The following CSRNP1 variants were observed in gnomAD, a reference collection of about 807,000 sequenced individuals.
The protein encoded by CSRNP1 is cysteine/serine-rich nuclear protein 1.
In CSRNP1, 8 loss-of-function variants were observed where a neutral mutation model predicts 25.0. The ratio of observed to expected loss-of-function variants is 0.32; its 90% CI spans 0.19 to 0.58. The LOEUF (loss-of-function observed/expected upper bound fraction) is 0.58, where lower values mean the gene tolerates loss of function less well. Among genes scored for constraint, CSRNP1 ranks in the 20% least tolerant of loss-of-function variants. The pLI, the probability that CSRNP1 is intolerant of heterozygous loss-of-function variation, is 0.88. For synonymous variants in CSRNP1, 305 were observed against 303.1 expected, an observed-to-expected ratio of 1.01 and a Z score of -0.06; for missense variants, 691 against 773.1, an observed-to-expected ratio of 0.89 and a Z score of 1.26.
At chr3:39,150,718 G>C (rs558613037) in intron 1 of CSRNP1, 1 of 152,326 alleles carries the variant, frequency 6.6e-6, no homozygotes, top group Non-Finnish European at 1.5e-5. Flanking sequence ...GCTCAGATAC[G>C]CACTGCGGCT....
At chr3:39,149,604 T>C (rs2039557294) in intron 1 of CSRNP1, 1 of 152,148 alleles carries the variant, frequency 6.6e-6, no homozygotes, top group South Asian at 2.1e-4. Context: ...AACCACACAT[T>C]TACCTGCCAC....
At chr3:39,144,855 C>T in intron 3 of CSRNP1, 142 bp downstream of exon 3, 1 of 1,042,902 alleles carries the variant, frequency 9.6e-7, no homozygotes, top group Middle Eastern at 3.3e-4. Flanking sequence ...AGGCTCCAAT[C>T]AAGCCAATCA....
chr3:39,153,522 G>C lies in CSRNP1; in HGVS notation c.-125C>G, dbSNP rs1314480635. The C allele has an allele frequency of 1.8e-5, 4 of 225,420 alleles. No individual in the cohort carries two copies. The highest frequency in any genetic ancestry group is 3.8e-5 in the Non-Finnish European group (4 of 105,784). The allele number at this position is 225,420 out of a possible 1,614,324, so 14.0% of individuals were successfully genotyped here. On this transcript the variant is annotated 5_prime_UTR_variant, in exon 1 of 5. Transcript: ENST00000273153. The stretch of plus-strand genomic sequence containing the variant: ...CCCTGCGCCGCGACTCTGTGCGCTC[G>C]GCCCGGCAGCCGTCGGTCCAGCCGC...
Position 39,143,123 on chromosome 3 carries a change from C to CTAG in CSRNP1, c.1699_1701dup (p.Leu567dup). ...TCAAACTGGCTGTCAATAAAGGGAT[C>CTAG]TAGGGCTTCGGCGGCTGGCTCGGAG... On this transcript the variant is annotated inframe_insertion, in exon 5 of 5. Transcript: ENST00000273153. 6.2e-7 allele frequency: 1 copy of CTAG among 1,613,844 alleles called. No individual in the cohort carries two copies. Among genetic ancestry groups the CTAG allele is most frequent in the Non-Finnish European group, 8.5e-7 (1 of 1,179,782 alleles).
chr3:39,146,534 G>C lies in CSRNP1; in HGVS notation c.149C>G (p.Pro50Arg), dbSNP rs1335155149. The change falls in exon 2 of 5, where the codon CCC (proline) becomes CGC (arginine). Residue 50 changes from proline (P) to arginine (R), a missense_variant. Transcript: ENST00000273153. The stretch of plus-strand genomic sequence containing the variant: ...GTCAGGCAGGGGCATCTGATCCCAG[G>C]GGCCTTCCTCCTCTGAGTCCCAGGC... ...SRAWDSEEEG[P>R]WDQMPLPDRD... 6.4e-7 allele frequency: 1 copy of C among 1,551,502 alleles called. No homozygotes were observed. The highest frequency in any genetic ancestry group is 1.4e-5 in the African/African-American group (1 of 73,042).
At chr3:39,151,010 A>C (rs1253569856) in intron 1 of CSRNP1, 1 of 152,244 alleles carries the variant, frequency 6.6e-6, no homozygotes, top group African/African-American at 2.4e-5. Flanking sequence ...AAACAAAAAG[A>C]CTGAGCCAGA....
rs1174678303 is a variant in CSRNP1 at position 39,146,617 on chromosome 3, G to C, written c.66C>G (p.Ser22=). 6.4e-7 allele frequency: 1 copy of C among 1,572,558 alleles called. No homozygotes were observed. Residue 22 remains serine, a synonymous_variant, in exon 2 of 5, where the codon TCC becomes TCG. Transcript: ENST00000273153. ...GAGACTGGCACCCAGAGGAAGAGGA[G>C]GAGGAGGAGACCGAGGAGTTGTCCT... ...LDEDNSSVSS[S]SSSSGCQSRS...
chr3:39,151,844 C>T (rs752994160), intron 1 of CSRNP1: 1 of 152,330 alleles, frequency 6.6e-6, no homozygotes, highest in Non-Finnish European at 1.5e-5. Flanking sequence ...GCCTCCAGGA[C>T]CTGGCACTGG....
In CSRNP1 at chr3:39,144,371, C is replaced by T. The variant is rs2039474317; in HGVS notation, c.546G>A (p.Glu182=). 1.2e-6 allele frequency: 2 copies of T among 1,613,950 alleles called. No individual in the cohort carries two copies. The highest frequency in any genetic ancestry group is 2.2e-5 in the East Asian group (1 of 44,876). ...CACCTGCCACAGCGACTGCCAAGTC[C>T]TCCTCCACAGAGGCGTCATCAATGG... is the stretch of plus-strand genomic sequence containing the variant. ...VDAIDDASVE[E]DLAVAVAGGR... The change falls in exon 4 of 5, where the codon GAG becomes GAA. Residue 182 remains glutamate, a synonymous_variant. Coordinates refer to ENST00000273153, the MANE Select transcript of CSRNP1 (RefSeq NM_033027.4).
At chr3:39,144,864 C>T in intron 3 of CSRNP1, 133 bp downstream of exon 3, 1 of 1,122,840 alleles carries the variant, frequency 8.9e-7, no homozygotes, top group South Asian at 1.7e-5. Flanking sequence ...TCAAGCCAAT[C>T]ACCAGGCCCA....
Position 39,142,563 on chromosome 3 carries a change from AAAG to A in CSRNP1, c.*489_*491del, listed in dbSNP as rs1435260244. The A allele has an allele frequency of 6.5e-6, 1 of 153,412 alleles. No individual in the cohort carries two copies. The highest frequency in any genetic ancestry group is 2.4e-5 in the African/African-American group (1 of 41,488). 9.5% of individuals were successfully genotyped at this position (153,412 alleles called of 1,614,324 possible). ...CCACCCCTGGCATTACCCACCAGCC[AAAG>A]AAGTGCAACCAAAGCCTCCTCAATC... is the stretch of plus-strand genomic sequence containing the variant. On this transcript the variant is annotated 3_prime_UTR_variant, in exon 5 of 5. Transcript: ENST00000273153.
At chr3:39,152,589 G>C (rs1203143759) in intron 1 of CSRNP1, 1 of 154,192 alleles carries the variant, frequency 6.5e-6, no homozygotes, top group Non-Finnish European at 1.5e-5. Context: ...CAGGAGACGG[G>C]GAGGAACCCT....
In CSRNP1 at chr3:39,143,053, C is replaced by T. The variant is rs1215520427; in HGVS notation, c.*2G>A. 1.3e-6 allele frequency: 2 copies of T among 1,554,782 alleles called. No homozygotes were observed. The highest frequency in any genetic ancestry group is 1.7e-6 in the Non-Finnish European group (2 of 1,149,146). On this transcript the variant is annotated 3_prime_UTR_variant, in exon 5 of 5. Coordinates refer to ENST00000273153, the MANE Select transcript of CSRNP1 (RefSeq NM_033027.4). ...TGGGGCTGGGAAAAGACATCCTGGT[C>T]CTCACACCGGCACAGGCTCCATTAG...
chr3:39,143,640 C>G lies in CSRNP1; in HGVS notation c.1185G>C (p.Leu395Phe), dbSNP rs1199797266. The change falls in exon 5 of 5, where the codon TTG becomes TTC. Residue 395 changes from leucine to phenylalanine, a missense_variant. Leu to Phe is a conservative substitution (Grantham distance 22). Coordinates refer to ENST00000273153, the MANE Select transcript of CSRNP1 (RefSeq NM_033027.4). ...CACCGAAGTCAGAGTCACTGAAACT[C>G]AAGATGCGTGCCAGGCTGTCATCAT... ...GVDDDSLARI[L>F]SFSDSDFGGE... is the part of the protein sequence containing the mutation. The G allele has an allele frequency of 6.2e-7, 1 of 1,614,214 alleles. No homozygotes were observed. The highest frequency in any genetic ancestry group is 8.5e-7 in the Non-Finnish European group (1 of 1,180,042).
chr3:39,145,116 G>T lies in CSRNP1; in HGVS notation c.346C>A (p.Arg116Ser). Reference sequence around the variant, plus strand: ...GAGAAGCGACGGCAAGCACTGTGGCGAAGGGCCATACCCAGAGTACAGCCA... The same window carrying T: ...GAGAAGCGACGGCAAGCACTGTGGCTAAGGGCCATACCCAGAGTACAGCCA... ...RGGCTLGMAL[R>S]HSACRRFSLA... The change falls in exon 3 of 5, where the codon CGC (arginine) becomes AGC (serine). Residue 116 changes from arginine (R) to serine (S), a missense_variant. Transcript: ENST00000273153. 3 of 1,614,270 alleles carry T rather than the reference G, an allele frequency of 1.9e-6. No homozygotes were observed. The highest frequency in any genetic ancestry group is 2.5e-6 in the Non-Finnish European group (3 of 1,180,042).
Position 39,145,075 on chromosome 3 carries a change from C to T in CSRNP1, c.387G>A (p.Ala129=), listed in dbSNP as rs201759916. The stretch of plus-strand genomic sequence containing the variant: ...CGTGCCGTGCACGGGCTTGCTCCTG[C>T]GCAAACTCAGCCAAAGAGAAGCGAC... ...ACRRFSLAEF[A]QEQARARHEK... Residue 129 remains alanine, a synonymous_variant, in exon 3 of 5, where the codon GCG becomes GCA. Coordinates refer to ENST00000273153, the MANE Select transcript of CSRNP1 (RefSeq NM_033027.4). 54 of 1,614,266 alleles carry T rather than the reference C, an allele frequency of 3.3e-5. No homozygotes were observed. The African/African-American group carries it at 4.1e-4, about 12-fold the overall frequency.
At chr3:39,144,900 T>C in intron 3 of CSRNP1, 97 bp downstream of exon 3, 1 of 1,390,398 alleles carries the variant, frequency 7.2e-7, no homozygotes, top group Non-Finnish European at 9.7e-7. Flanking sequence ...ATAACCATAA[T>C]GAGCAAGTCA....
chr3:39,146,854 G>T, intron 1 of CSRNP1, 132 bp from the exon 2 acceptor site: 1 of 1,254,442 alleles, frequency 8.0e-7, no homozygotes, highest in Non-Finnish European at 1.1e-6. Flanking sequence ...AGCCCTGCCT[G>T]TGGAGCTCTG....
At chr3:39,150,159 AAAAT>A (rs1415233018) in intron 1 of CSRNP1, 4 of 152,244 alleles carry the variant, frequency 2.6e-5, no homozygotes, top group Admixed American at 6.5e-5. Context: ...CAAAGTGTGA[AAAAT>A]AAATCTTTTG....
Sources: allele counts gnomAD v4.1 joint callset, GRCh38; gene constraint gnomAD v4.1.1; transcripts MANE v1.5; gene names NCBI Gene and HGNC (gene_info 2026-07-23, HGNC 2026-07-21).